Variants in UGGT2 observed in about 807,000 individuals in gnomAD.
UGGT2 encodes the protein UDP-glucose:glycoprotein glucosyltransferase 2.
Under a neutral mutation model 192.1 loss-of-function variants are expected in UGGT2, and 180 were observed. The ratio of observed to expected loss-of-function variants is 0.94; its 90% CI spans 0.83 to 1.06. The LOEUF is 1.06. Among genes scored for constraint, UGGT2 ranks in the 50% least tolerant of loss-of-function variants. UGGT2 has a pLI of 0.00. For synonymous variants in UGGT2, 580 were observed against 591.0 expected, an observed-to-expected ratio of 0.98 and a Z score of 0.27; for missense variants, 1,849 against 1,795.7, an observed-to-expected ratio of 1.03 and a Z score of -0.54.
Position 95,972,688 on chromosome 13 carries a change from G to T in UGGT2, c.1093-17C>A. ...TTGAAGATCCTTGAAGTAGAGCAAAGCAATAGTTAACCAGTGATAGAACAA... is the reference window on the plus strand; with the variant it reads ...TTGAAGATCCTTGAAGTAGAGCAAATCAATAGTTAACCAGTGATAGAACAA... On this transcript the variant is annotated splice_polypyrimidine_tract_variant and intron_variant, in intron 10 of 38. Coordinates refer to ENST00000376747, the MANE Select transcript of UGGT2 (RefSeq NM_020121.4). The T allele has an allele frequency of 6.3e-7, 1 of 1,589,216 alleles. No homozygotes were observed. Among genetic ancestry groups the T allele is most frequent in the Non-Finnish European group, 8.6e-7 (1 of 1,158,378 alleles).
At chr13:95,938,908 T>A (rs2049561311) in intron 16 of UGGT2, among the ~76,000 whole-genome samples, 1 of 152,144 alleles carries the variant, frequency 6.6e-6, no homozygotes, top group Admixed American at 6.5e-5. Context: ...TGTTTCCTAA[T>A]ACATATCACC....
intron 5 of UGGT2, among the ~76,000 whole-genome samples, chr13:96,002,054 A>G (rs1024001472): frequency 1.4e-4 from 22 of 152,224 alleles, no homozygotes; most frequent in African/African-American, 5.1e-4. Context: ...TTACTACTTA[A>G]GTTTTAGTGG....
intron 5 of UGGT2, among the ~76,000 whole-genome samples, chr13:96,010,672 T>A (rs2052132858): frequency 6.6e-6 from 1 of 152,206 alleles, no homozygotes. Context: ...ATTGGAAGAC[T>A]GAATATTTTT....
intron 12 of UGGT2, among the ~76,000 whole-genome samples, chr13:95,952,011 T>C (rs565837348): frequency 1.3e-5 from 2 of 151,342 alleles, no homozygotes; most frequent in East Asian, 2.0e-4. Context: ...TAAGCTGAGA[T>C]TGCACCACTG....
chr13:96,026,753 G>A (rs1340504523), intron 2 of UGGT2, among the ~76,000 whole-genome samples: 3 of 146,718 alleles, frequency 2.0e-5, no homozygotes, highest in African/African-American at 7.5e-5. Flanking sequence ...CTCACTGCAA[G>A]CTCCGCTTCC....
At chr13:95,826,496 C>A (rs1308179534) in intron 38 of UGGT2, among the ~76,000 whole-genome samples, 2 of 151,966 alleles carry the variant, frequency 1.3e-5, no homozygotes, top group Non-Finnish European at 2.9e-5. Context: ...AACATTACTA[C>A]AACCAATATA....
intron 12 of UGGT2, among the ~76,000 whole-genome samples, chr13:95,957,426 G>T (rs1268804117): frequency 6.6e-6 from 1 of 152,200 alleles, no homozygotes; most frequent in African/African-American, 2.4e-5. Context: ...TGGAATTCCT[G>T]GGGTTTGGGG....
intron 38 of UGGT2, among the ~76,000 whole-genome samples, chr13:95,832,025 C>CTTT (rs34289402): frequency 7.0e-6 from 1 of 142,138 alleles, no homozygotes; most frequent in South Asian, 2.2e-4. Flanking sequence ...ACCAAGAAAA[C>CTTT]TTTTTTTTTT....
chr13:96,026,222 A>C lies in UGGT2; in HGVS notation c.242-2463T>G, dbSNP rs147947044. ...TGGGGCTCTAAAGTTAAAAATCAGA[A>C]GTTTCGAATTCACACATGAACAATT... On this transcript the variant is annotated intron_variant, in intron 2 of 38. Coordinates refer to ENST00000376747, the MANE Select transcript of UGGT2 (RefSeq NM_020121.4). Among the ~76,000 whole-genome samples, 715 of 152,300 alleles carry C rather than the reference A, an allele frequency of 4.7e-3. 5 individuals carry two copies. The highest frequency in any genetic ancestry group is 0.017 in the African/African-American group (690 of 41,594).
chr13:95,896,498 A>G (rs1351825478), intron 22 of UGGT2, among the ~76,000 whole-genome samples: 1 of 152,164 alleles, frequency 6.6e-6, no homozygotes, highest in Non-Finnish European at 1.5e-5. Context: ...TGAACAATGA[A>G]TCAGCAGTCT....
In UGGT2 at chr13:96,013,407, T is replaced by A. The variant is rs557910215; in HGVS notation, c.560A>T (p.Tyr187Phe). The change falls in exon 5 of 39, where the codon TAT becomes TTT. Residue 187 changes from tyrosine (Y) to phenylalanine (F), a missense_variant. Transcript: ENST00000376747. ...NKENLPVVILYAEMGTRTFSA... is the reference protein window; with the variant it reads ...NKENLPVVILFAEMGTRTFSA... ...AAATGTTCTAGTACCCATTTCGGCA[T>A]AGAGAATCACCACTGGTAAGTTCTC... 7 of 1,609,336 alleles carry A rather than the reference T, an allele frequency of 4.3e-6. No individual in the cohort carries two copies. Among genetic ancestry groups the A allele is most frequent in the African/African-American group, 2.7e-5 (2 of 74,744 alleles).
intron 38 of UGGT2, among the ~76,000 whole-genome samples, chr13:95,813,991 G>GAGTGA (rs1212213025): frequency 1.3e-5 from 2 of 152,240 alleles, no homozygotes; most frequent in Non-Finnish European, 2.9e-5. Flanking sequence ...CAGAGTGCAA[G>GAGTGA]AGTGAATGAG....
At chr13:95,967,255 G>A (rs908417733) in intron 12 of UGGT2, among the ~76,000 whole-genome samples, 1 of 151,264 alleles carries the variant, frequency 6.6e-6, no homozygotes, top group East Asian at 1.9e-4. Flanking sequence ...AAGGTCCAAC[G>A]TATTCTCCTG....
In UGGT2 at chr13:95,952,104, T is replaced by C. The variant is rs1025618659; in HGVS notation, c.1336-2650A>G. Among the ~76,000 whole-genome samples the C allele has an allele frequency of 7.9e-5, 12 of 151,950 alleles. No homozygotes were observed. The South Asian group carries it at 2.1e-3, about 26-fold the overall frequency. On this transcript the variant is annotated intron_variant, in intron 12 of 38. Coordinates refer to ENST00000376747, the MANE Select transcript of UGGT2 (RefSeq NM_020121.4). The stretch of plus-strand genomic sequence containing the variant: ...TCATAGGAGTAGGACAACATATTGA[T>C]TGGCAACAGGTTAAGGAAAAAATGT...
Position 96,043,733 on chromosome 13 carries a change from A to G in UGGT2, c.158+9422T>C, listed in dbSNP as rs370555661. On this transcript the variant is annotated intron_variant, in intron 1 of 38. Transcript: ENST00000376747. The stretch of plus-strand genomic sequence containing the variant: ...AGTAGCTATTCTTATATGAGATAAA[A>G]CAAATGTTAAAGCAACAACAGTTAA... 3.9e-5 allele frequency among the ~76,000 whole-genome samples: 6 copies of G among 152,292 alleles called. No individual in the cohort carries two copies. The East Asian group carries it at 7.7e-4, about 20-fold the overall frequency.
At chr13:95,999,187 C>T in intron 6 of UGGT2, 24 bp downstream of exon 6, 1 of 1,584,756 alleles carries the variant, frequency 6.3e-7, no homozygotes, top group South Asian at 1.1e-5. Flanking sequence ...TCATTCTACT[C>T]AAGTACTGAG....
intron 17 of UGGT2, among the ~76,000 whole-genome samples, chr13:95,934,144 T>TA (rs2049382945): frequency 6.6e-6 from 1 of 152,260 alleles, no homozygotes; most frequent in Admixed American, 6.5e-5. Context: ...AAAAGCAAGT[T>TA]ATTTAATTTC....
chr13:95,996,183 T>G (rs746726624), intron 6 of UGGT2, 48 bp from the exon 7 acceptor site: 1 of 1,519,906 alleles, frequency 6.6e-7, no homozygotes, highest in African/African-American at 1.4e-5. Flanking sequence ...ATTTTCAGAC[T>G]GGGAAAAGAA....
rs756055522 is a variant in UGGT2, at chr13:95,887,927, G to C, written c.3003C>G (p.Asn1001Lys). 1.2e-4 allele frequency: 197 copies of C among 1,603,714 alleles called. 1 individual carries two copies. Among genetic ancestry groups the C allele is most frequent in the Middle Eastern group, 1.7e-4 (1 of 5,916 alleles). The change falls in exon 26 of 39, where the codon AAC (asparagine) becomes AAG (lysine). Residue 1001 changes from asparagine to lysine, a missense_variant. Transcript: ENST00000376747. ...IINMKIKLFMNCRGRLSEAPL... is the reference protein window; with the variant it reads ...IINMKIKLFMKCRGRLSEAPL... Reference sequence around the variant, plus strand: ...GGGCTTCTGAAAGCCTGCCCCTACAGTTCATGAACAACTTTATCTTCATGT... The same window carrying C: ...GGGCTTCTGAAAGCCTGCCCCTACACTTCATGAACAACTTTATCTTCATGT...
Sources: allele counts gnomAD v4.1 joint callset (sites outside exome capture counted in the v4.1 genomes callset), GRCh38; gene constraint gnomAD v4.1.1; transcripts MANE v1.5; gene names NCBI Gene and HGNC (gene_info 2026-07-23, HGNC 2026-07-21).